Variants in CNTNAP5 observed in about 807,000 individuals in gnomAD.
The protein encoded by CNTNAP5 is contactin associated protein family member 5, also known as contactin-associated protein-like 5.
CNTNAP5 carries 72 observed loss-of-function variants against 150.2 expected under a neutral mutation model. The ratio of observed to expected loss-of-function variants is 0.48; its 90% confidence interval spans 0.40 to 0.58. The LOEUF (loss-of-function observed/expected upper bound fraction) is 0.58, where lower values mean the gene tolerates loss of function less well. Among genes scored for constraint, CNTNAP5 ranks in the 20% least tolerant of loss-of-function variants. The pLI is 0.00. For synonymous variants in CNTNAP5, 672 were observed against 619.8 expected (o/e 1.08, Z -1.25); for missense variants, 1,636 against 1,626.2 (o/e 1.01, Z -0.10).
At chr2:124,833,809 A>G (rs1682768973) in intron 19 of CNTNAP5, among the ~76,000 whole-genome samples, 1 of 152,138 alleles carries the variant, frequency 6.6e-6, no homozygotes, top group South Asian at 2.1e-4. Context: ...ATGTGTAGGA[A>G]AAGGCAAGAG....
At chr2:124,662,332 G>C (rs1678609897) in intron 13 of CNTNAP5, among the ~76,000 whole-genome samples, 1 of 152,034 alleles carries the variant, frequency 6.6e-6, no homozygotes, top group Admixed American at 6.6e-5. Context: ...ATAATCCTTT[G>C]GGTATATACC....
At chr2:124,237,127 C>G (rs577423289) in intron 2 of CNTNAP5, among the ~76,000 whole-genome samples, 6 of 151,632 alleles carry the variant, frequency 4.0e-5, no homozygotes, top group Non-Finnish European at 8.8e-5. Flanking sequence ...GAGACTCTGT[C>G]AAAAGAAAAA....
chr2:124,481,423 TA>T (rs564717580), intron 7 of CNTNAP5, among the ~76,000 whole-genome samples: 1 of 152,360 alleles, frequency 6.6e-6, no homozygotes, highest in South Asian at 2.1e-4. Flanking sequence ...TAAGCAAATG[TA>T]ACCAGTTTCT....
At chr2:124,525,644 T>C (rs1694947449) in intron 9 of CNTNAP5, among the ~76,000 whole-genome samples, 4 of 152,214 alleles carry the variant, frequency 2.6e-5, no homozygotes, top group African/African-American at 4.8e-5. Context: ...GCAATATCTC[T>C]GTGGCTTGAT....
chr2:124,357,773 T>C (rs1690057642), intron 3 of CNTNAP5, among the ~76,000 whole-genome samples: 1 of 145,738 alleles, frequency 6.9e-6, no homozygotes, highest in Admixed American at 6.9e-5. Flanking sequence ...TGGCTTAGGA[T>C]TGCCTTGGCG....
At chr2:124,121,708 AT>A (rs1683567065) in intron 1 of CNTNAP5, among the ~76,000 whole-genome samples, 2 of 152,112 alleles carry the variant, frequency 1.3e-5, no homozygotes, top group Admixed American at 6.6e-5. Context: ...CCATCCCCCA[AT>A]CATTCCTAAA....
intron 18 of CNTNAP5, among the ~76,000 whole-genome samples, chr2:124,794,567 G>A (rs1437143519): frequency 1.3e-5 from 2 of 152,114 alleles, no homozygotes; most frequent in Non-Finnish European, 2.9e-5. Flanking sequence ...ACATTTGGGT[G>A]CTCTTTACAT....
At chr2:124,684,593 T>A (rs1474752763) in intron 13 of CNTNAP5, among the ~76,000 whole-genome samples, 1 of 152,168 alleles carries the variant, frequency 6.6e-6, no homozygotes, top group African/African-American at 2.4e-5. Flanking sequence ...AAATGGACTG[T>A]TTGAAAGCTG....
intron 12 of CNTNAP5, among the ~76,000 whole-genome samples, chr2:124,635,014 A>G (rs1187084262): frequency 6.6e-6 from 1 of 152,186 alleles, no homozygotes; most frequent in East Asian, 1.9e-4. Flanking sequence ...GCATCCTTAG[A>G]GAAATTCCCC....
chr2:124,751,246 A>G lies in CNTNAP5; in HGVS notation c.2234+3861A>G, dbSNP rs1268332385. ...GGGGGTAGGGGGAACATCTGTGTGCAGTGGGGAAATTTAAAATAATATAAA... is the reference window on the plus strand; with the variant it reads ...GGGGGTAGGGGGAACATCTGTGTGCGGTGGGGAAATTTAAAATAATATAAA... On this transcript the variant is annotated intron_variant, in intron 14 of 23. Transcript: ENST00000682447. 2.0e-5 allele frequency among the ~76,000 whole-genome samples: 3 copies of G among 151,738 alleles called. 1 individual carries two copies. The highest frequency in any genetic ancestry group is 7.3e-5 in the African/African-American group (3 of 41,318).
At chr2:124,436,734 C>G (rs945752114) in intron 5 of CNTNAP5, among the ~76,000 whole-genome samples, 3 of 152,152 alleles carry the variant, frequency 2.0e-5, no homozygotes, top group Non-Finnish European at 4.4e-5. Context: ...TCCATCTTCT[C>G]TATATTTCCA....
intron 3 of CNTNAP5, among the ~76,000 whole-genome samples, chr2:124,380,558 C>T (rs1690764842): frequency 6.6e-6 from 1 of 152,180 alleles, no homozygotes; most frequent in African/African-American, 2.4e-5. Flanking sequence ...ATATCATGTA[C>T]TTTAGCACAT....
rs148508085 is a variant in CNTNAP5 at position 124,454,847 on chromosome 2, A to G, written c.918+7910A>G. Among the ~76,000 whole-genome samples the G allele has an allele frequency of 2.3e-3, 355 of 152,224 alleles. 2 individuals are homozygous for G. The highest frequency in any genetic ancestry group is 8.1e-3 in the African/African-American group (336 of 41,572). ...ATTAAAAAATTTTTTGAACTGAATG[A>G]CAGTAGTCATTCACAACCTATCAAA... On this transcript the variant is annotated intron_variant, in intron 6 of 23. Transcript: ENST00000682447.
chr2:124,664,587 G>A (rs748301883), intron 13 of CNTNAP5, among the ~76,000 whole-genome samples: 1 of 152,132 alleles, frequency 6.6e-6, no homozygotes, highest in Non-Finnish European at 1.5e-5. Context: ...TCTGGAGTAC[G>A]TCAAACCTGC....
chr2:124,124,650 G>A (rs1421761322), intron 1 of CNTNAP5, among the ~76,000 whole-genome samples: 1 of 152,110 alleles, frequency 6.6e-6, no homozygotes, highest in Non-Finnish European at 1.5e-5. Context: ...AAAATCTTAA[G>A]GGCAGCCAGA....
chr2:124,628,575 A>G (rs762224368), intron 12 of CNTNAP5, among the ~76,000 whole-genome samples: 1 of 152,230 alleles, frequency 6.6e-6, no homozygotes, highest in Non-Finnish European at 1.5e-5. Context: ...AGCACTAAAC[A>G]TAGATAGGAA....
At chr2:124,116,102 T>C (rs1162464403) in intron 1 of CNTNAP5, among the ~76,000 whole-genome samples, 1 of 152,146 alleles carries the variant, frequency 6.6e-6, no homozygotes, top group Non-Finnish European at 1.5e-5. Flanking sequence ...ACAGGGCCAG[T>C]TTTTGTTTTC....
At chr2:124,304,707 C>A (rs533486294) in intron 3 of CNTNAP5, among the ~76,000 whole-genome samples, 17 of 152,266 alleles carry the variant, frequency 1.1e-4, no homozygotes, top group African/African-American at 3.6e-4. Flanking sequence ...GGAACAGTGG[C>A]ATCTCTCAGT....
intron 17 of CNTNAP5, among the ~76,000 whole-genome samples, chr2:124,786,394 AGAAAGAAG>A (rs1222651094): frequency 0.012 from 720 of 61,726 alleles, 2 homozygotes; most frequent in Non-Finnish European, 0.016. Flanking sequence ...AAAGAAAGAA[AGAAAGAAG>A]GAAGGAAGGA....
Sources: gnomAD v4.1 joint callset for allele counts (sites outside exome capture counted in the v4.1 genomes callset) on GRCh38, gnomAD v4.1.1 for gene constraint, MANE v1.5 for transcripts, NCBI Gene and HGNC (gene_info 2026-07-23, HGNC 2026-07-21) for gene names.